The following ZMIZ1 variants were observed in gnomAD, a reference collection of about 807,000 sequenced individuals.
ZMIZ1 encodes the protein zinc finger MIZ domain-containing protein 1.
In ZMIZ1, 17 loss-of-function variants were observed where a neutral mutation model predicts 113.9. The observed-to-expected ratio is 0.15, with a 90% confidence interval of 0.10 to 0.22. ZMIZ1 has a LOEUF of 0.22. Among genes scored for constraint, ZMIZ1 ranks in the 10% least tolerant of loss-of-function variants. The pLI, the probability that ZMIZ1 is intolerant of heterozygous loss-of-function variation, is 1.00. For missense variants in ZMIZ1, 1,059 were observed against 1,477.8 expected (o/e 0.72, Z 4.65); for synonymous variants, 607 against 603.1 (o/e 1.01, Z -0.09).
At chr10:79,134,789 TA>T (rs1055550661) in intron 2 of ZMIZ1, among the ~76,000 whole-genome samples, 11 of 147,496 alleles carry the variant, frequency 7.5e-5, no homozygotes, top group East Asian at 2.0e-4. Context: ...TGAGGCTAAG[TA>T]AAAAAAAAAG....
intron 3 of ZMIZ1, among the ~76,000 whole-genome samples, chr10:79,147,177 C>T (rs1845526363): frequency 6.6e-6 from 1 of 152,104 alleles, no homozygotes; most frequent in Admixed American, 6.6e-5. Flanking sequence ...AGCTCTTGGG[C>T]CTCAGAATCT....
chr10:79,202,976 G>C (rs545694777), intron 5 of ZMIZ1, among the ~76,000 whole-genome samples: 310 of 152,354 alleles, frequency 2.0e-3, no homozygotes, highest in Non-Finnish European at 2.9e-3. Flanking sequence ...TGAGGATGTT[G>C]TGGGTGATGC....
rs552546460 is a variant in ZMIZ1 at position 79,314,387 on chromosome 10, C to T, written c.*1638C>T. 4 of 379,778 alleles carry T rather than the reference C, an allele frequency of 1.1e-5. No individual in the cohort carries two copies. The highest frequency in any genetic ancestry group is 7.2e-5 in the East Asian group (1 of 13,814). 23.5% of individuals were successfully genotyped at this position (379,778 alleles called of 1,614,324 possible). A position where few individuals can be genotyped will look rare whatever the true frequency, so the allele number is the denominator to read the frequency against. On this transcript the variant is annotated 3_prime_UTR_variant, in exon 25 of 25. Transcript: ENST00000334512. ...CCCAGCTCTCCTCTGTGGGTTTTAC[C>T]GGAAAGGTGGCCCCAGCTGTTGACT...
chr10:79,098,510 A>G (rs1356719073), intron 1 of ZMIZ1, among the ~76,000 whole-genome samples: 3 of 152,330 alleles, frequency 2.0e-5, no homozygotes, highest in South Asian at 4.1e-4. Context: ...AGCGAGCATA[A>G]ATGAATTAAT....
Position 79,311,126 on chromosome 10 carries a change from C to G in ZMIZ1, c.3038C>G (p.Ala1013Gly). ...HSDLTFNPSS[A>G]LEGQAGAQGA... Reference sequence around the variant, plus strand: ...GACCTGACCTTTAACCCCTCCTCAGCCTTAGAGGGTCAGGCCGGAGCGCAG... The same window carrying G: ...GACCTGACCTTTAACCCCTCCTCAGGCTTAGAGGGTCAGGCCGGAGCGCAG... Residue 1013 changes from alanine to glycine, a missense_variant, in exon 24 of 25, where the codon GCC becomes GGC. This residue lies in a region of ZMIZ1 where 225 missense variants were observed against 276.0 expected (regional missense o/e 0.82). Coordinates refer to ENST00000334512, the MANE Select transcript of ZMIZ1 (RefSeq NM_020338.4). 6.2e-7 allele frequency: 1 copy of G among 1,613,764 alleles called. No individual in the cohort carries two copies. The highest frequency in any genetic ancestry group is 8.5e-7 in the Non-Finnish European group (1 of 1,180,042).
chr10:79,280,999 A>G (rs1852702893), intron 8 of ZMIZ1, among the ~76,000 whole-genome samples: 1 of 152,140 alleles, frequency 6.6e-6, no homozygotes. Flanking sequence ...CCTATGTGTC[A>G]TGACCTTCCC....
chr10:79,224,504 C>T (rs1849123811), intron 7 of ZMIZ1, among the ~76,000 whole-genome samples: 2 of 152,180 alleles, frequency 1.3e-5, no homozygotes, highest in Middle Eastern at 3.4e-3. Context: ...GCCTACAGAG[C>T]GGGGGTGTAC....
chr10:79,189,823 G>A lies in ZMIZ1; in HGVS notation c.-49-11761G>A, dbSNP rs755331788. On this transcript the variant is annotated intron_variant, in intron 4 of 24. Coordinates refer to ENST00000334512, the MANE Select transcript of ZMIZ1 (RefSeq NM_020338.4). ...GCAGGCAGCCAGGAAGCGTGTTTTC[G>A]GATTGCCTGTGGGGTGTCCAGCGTG... is the stretch of plus-strand genomic sequence containing the variant. 9.2e-5 allele frequency among the ~76,000 whole-genome samples: 14 copies of A among 152,318 alleles called. No homozygotes were observed. The East Asian group carries it at 1.7e-3, about 19-fold the overall frequency.
At chr10:79,201,234 GGAGGCAGAGGTTGCAATGAGCCGA>G (rs1307162304) in intron 4 of ZMIZ1, among the ~76,000 whole-genome samples, 1 of 152,178 alleles carries the variant, frequency 6.6e-6, no homozygotes, top group Non-Finnish European at 1.5e-5. Context: ...CTTGAACCTG[GGAGGCAGAGGTTGCAATGAGCCGA>G]GATCGCGCCA....
intron 7 of ZMIZ1, among the ~76,000 whole-genome samples, chr10:79,246,185 C>G (rs1378435922): frequency 1.3e-5 from 2 of 152,224 alleles, no homozygotes; most frequent in Non-Finnish European, 2.9e-5. Context: ...GGCATGAGTC[C>G]CAGGTCTCCA....
intron 8 of ZMIZ1, among the ~76,000 whole-genome samples, chr10:79,282,500 C>A (rs1350373533): frequency 5.9e-5 from 9 of 152,226 alleles, no homozygotes; most frequent in African/African-American, 2.2e-4. Flanking sequence ...TGGAGGGTCC[C>A]TGGTGACTGT....
chr10:79,193,106 A>G (rs1167674733), intron 4 of ZMIZ1, among the ~76,000 whole-genome samples: 2 of 152,220 alleles, frequency 1.3e-5, no homozygotes, highest in Admixed American at 6.5e-5. Flanking sequence ...CGACGTGACC[A>G]CAGGCAGCTT....
chr10:79,130,739 A>C (rs192925433), intron 2 of ZMIZ1, among the ~76,000 whole-genome samples: 3 of 152,260 alleles, frequency 2.0e-5, no homozygotes, highest in African/African-American at 7.2e-5. Flanking sequence ...CATTTCTGAA[A>C]TGTGGGTAAT....
At chr10:79,215,895 C>G (rs1273159206) in intron 6 of ZMIZ1, among the ~76,000 whole-genome samples, 1 of 152,118 alleles carries the variant, frequency 6.6e-6, no homozygotes, top group South Asian at 2.1e-4. Flanking sequence ...GAATCTGAGC[C>G]CTTGGAAGCG....
chr10:79,100,384 T>C (rs144767550), intron 1 of ZMIZ1, among the ~76,000 whole-genome samples: 1,663 of 149,714 alleles, frequency 0.011, 17 homozygotes, highest in South Asian at 0.019. Flanking sequence ...GGTGGGAGAA[T>C]TGCTAGAGCC....
At chr10:79,131,089 GCCAGGAGTTCTTC>G (rs376556784) in intron 2 of ZMIZ1, among the ~76,000 whole-genome samples, 44 of 152,312 alleles carry the variant, frequency 2.9e-4, no homozygotes, top group African/African-American at 1.0e-3. Context: ...TCAGGCTATG[GCCAGGAGTTCTTC>G]CCATGTCCCC....
In ZMIZ1 at chr10:79,313,998, G is replaced by A; in HGVS notation, c.*1249G>A. 1 of 455,212 alleles carries A rather than the reference G, an allele frequency of 2.2e-6. No homozygotes were observed. The highest frequency in any genetic ancestry group is 1.6e-5 in the South Asian group (1 of 64,462). The allele number at this position is 455,212 out of a possible 1,614,324, so 28.2% of individuals were successfully genotyped here. ...TGGACATGTGCACCAGTATGTACCT[G>A]CAGGCATGGGGGGGAGGGGGGCGTG... On this transcript the variant is annotated 3_prime_UTR_variant, in exon 25 of 25. Coordinates refer to ENST00000334512, the MANE Select transcript of ZMIZ1 (RefSeq NM_020338.4).
In ZMIZ1 at chr10:79,296,690, T is replaced by G; in HGVS notation, c.1413+37T>G. ...CCTCGCCACCACCCACGGGGCCCCT[T>G]CCCTCCTAACCACCTCACTCCCCTA... On this transcript the variant is annotated intron_variant, in intron 13 of 24. Transcript: ENST00000334512. This position sits in a 1 kb window ranked among gnomAD's most constrained non-coding sequence, Gnocchi z 4.1. 1 of 1,514,316 alleles carries G rather than the reference T, an allele frequency of 6.6e-7. No homozygotes were observed. Among genetic ancestry groups the G allele is most frequent in the South Asian group, 1.3e-5 (1 of 77,112 alleles). The allele number at this position is 1,514,316 out of a possible 1,614,324, so 93.8% of individuals were successfully genotyped here. A position where few individuals can be genotyped will look rare whatever the true frequency, so the allele number is the denominator to read the frequency against.
At chr10:79,176,891 T>C (rs1846891728) in intron 4 of ZMIZ1, among the ~76,000 whole-genome samples, 1 of 152,254 alleles carries the variant, frequency 6.6e-6, no homozygotes, top group Non-Finnish European at 1.5e-5. Flanking sequence ...GACTGGCTGA[T>C]GTGAGCTCCA....
Sources: allele counts gnomAD v4.1 joint callset (sites outside exome capture counted in the v4.1 genomes callset), GRCh38; gene constraint gnomAD v4.1.1; regional missense constraint gnomAD v4.1.1; non-coding constraint Gnocchi (gnomAD v3.1); transcripts MANE v1.5; gene names NCBI Gene and HGNC (gene_info 2026-07-23, HGNC 2026-07-21).